ASPRV1: variants seen among roughly 807,000 people sequenced by gnomAD.
ASPRV1 encodes the protein retroviral-like aspartic protease 1.
In ASPRV1, 7 loss-of-function variants were observed where a neutral mutation model predicts 11.0. The observed-to-expected ratio is 0.64, with a 90% confidence interval of 0.36 to 1.20. The LOEUF is 1.20. Among genes scored for constraint, ASPRV1 ranks in the 50% most tolerant of loss-of-function variants. The probability of loss-of-function intolerance (pLI) is 0.02; values close to 1 mark genes in which losing one functional copy is unlikely to be tolerated. For synonymous variants in ASPRV1, 136 were observed against 138.4 expected, an observed-to-expected ratio of 0.98 and a Z score of 0.12; for missense variants, 299 against 320.0, an observed-to-expected ratio of 0.93 and a Z score of 0.50.
the ASPRV1 span, among the ~76,000 whole-genome samples, chr2:69,984,961 A>G: frequency 6.7e-6 from 1 of 149,982 alleles, no homozygotes; most frequent in African/African-American, 2.5e-5. Flanking sequence ...GGTTCACGCC[A>G]TTCTCCTGCC....
At chr2:70,074,499 G>C in the ASPRV1 span, among the ~76,000 whole-genome samples, 4 of 151,420 alleles carry the variant, frequency 2.6e-5, no homozygotes, top group African/African-American at 9.7e-5. Flanking sequence ...ATATTGGCCA[G>C]GCTCCTGACC....
chr2:70,026,296 C>T, the ASPRV1 span, among the ~76,000 whole-genome samples: 1 of 149,804 alleles, frequency 6.7e-6, no homozygotes, highest in African/African-American at 2.5e-5. Context: ...AATATATATA[C>T]ATATGGAATG....
the ASPRV1 span, among the ~76,000 whole-genome samples, chr2:69,986,520 G>C: frequency 6.6e-6 from 1 of 152,236 alleles, no homozygotes. Flanking sequence ...TGTGTCCCCA[G>C]CCCAGCAGTG....
At chr2:69,951,899 T>C in the ASPRV1 span, among the ~76,000 whole-genome samples, 2 of 152,210 alleles carry the variant, frequency 1.3e-5, no homozygotes, top group African/African-American at 2.4e-5. Context: ...CACAGTTAAC[T>C]GTTTTTGAGT....
At chr2:69,949,446 C>T in the ASPRV1 span, among the ~76,000 whole-genome samples, 1 of 152,086 alleles carries the variant, frequency 6.6e-6, no homozygotes, top group Non-Finnish European at 1.5e-5. Flanking sequence ...CCTTGATCAC[C>T]ATCGGAATTG....
chr2:69,993,472 G>C, the ASPRV1 span: 3 of 152,224 alleles, frequency 2.0e-5, no homozygotes, highest in African/African-American at 7.2e-5. Flanking sequence ...AGGCCAACTA[G>C]GGCTGTGTGG....
the ASPRV1 span, among the ~76,000 whole-genome samples, chr2:69,954,196 C>A: frequency 6.6e-6 from 1 of 152,176 alleles, no homozygotes; most frequent in African/African-American, 2.4e-5. Flanking sequence ...TGGCCCACCA[C>A]AGAAGAAGCA....
chr2:69,971,758 G>A, the ASPRV1 span, among the ~76,000 whole-genome samples: 2,398 of 152,268 alleles, frequency 0.016, 134 homozygotes, highest in Admixed American at 0.095. Context: ...GCCAATCTCC[G>A]TCCTGGAGCA....
the ASPRV1 span, among the ~76,000 whole-genome samples, chr2:69,971,493 G>C: frequency 6.6e-6 from 1 of 152,172 alleles, no homozygotes; most frequent in Non-Finnish European, 1.5e-5. Flanking sequence ...GTTCTAAGGC[G>C]CAGGATCGTT....
the ASPRV1 span, among the ~76,000 whole-genome samples, chr2:69,954,068 C>T: frequency 2.3e-4 from 35 of 152,300 alleles, no homozygotes; most frequent in Middle Eastern, 3.4e-3. Flanking sequence ...CTCACATCAG[C>T]ATCTATGAGT....
chr2:70,012,648 T>A, the ASPRV1 span, among the ~76,000 whole-genome samples: 1 of 152,082 alleles, frequency 6.6e-6, no homozygotes, highest in Non-Finnish European at 1.5e-5. Flanking sequence ...AAGGCAAACT[T>A]AATGTAAAAA....
chr2:70,004,521 T>C, the ASPRV1 span, among the ~76,000 whole-genome samples: 39 of 75,248 alleles, frequency 5.2e-4, no homozygotes, highest in African/African-American at 1.9e-3. Context: ...ACAGCAAAAC[T>C]CCATCTCAAA....
At chr2:69,963,769 C>T (rs1286953352), upstream of ASPRV1, among the ~76,000 whole-genome samples, 1 of 152,140 alleles carries the variant, frequency 6.6e-6, no homozygotes, top group Non-Finnish European at 1.5e-5. Context: ...GGGAAGAAGA[C>T]CAGCTCCGCT....
chr2:70,076,748 A>C, the ASPRV1 span, among the ~76,000 whole-genome samples: 1 of 152,172 alleles, frequency 6.6e-6, no homozygotes, highest in African/African-American at 2.4e-5. Flanking sequence ...TATCTCATGT[A>C]ATTTATTAAA....
chr2:69,961,722 C>T (rs769488516), upstream of ASPRV1: 12 of 1,516,704 alleles, frequency 7.9e-6, no homozygotes, highest in South Asian at 1.5e-4. Flanking sequence ...CCCCTCCTCA[C>T]CCCGCCCTCC....
At chr2:69,952,760 T>C in the ASPRV1 span, among the ~76,000 whole-genome samples, 1 of 151,204 alleles carries the variant, frequency 6.6e-6, no homozygotes, top group Non-Finnish European at 1.5e-5. Flanking sequence ...TAGATGCCAA[T>C]AGTCCCCCCC....
At chr2:69,943,087 T>TGAG in the ASPRV1 span, 1 of 152,228 alleles carries the variant, frequency 6.6e-6, no homozygotes, top group African/African-American at 2.4e-5. Context: ...GAGCCTGTGA[T>TGAG]GAGGATTGAG....
the ASPRV1 span, among the ~76,000 whole-genome samples, chr2:70,005,426 T>C: frequency 3.9e-5 from 6 of 152,210 alleles, no homozygotes; most frequent in Non-Finnish European, 8.8e-5. Context: ...AATTCTGTTG[T>C]CTTCTTGACA....
At chr2:69,979,605 G>C in the ASPRV1 span, among the ~76,000 whole-genome samples, 1 of 152,198 alleles carries the variant, frequency 6.6e-6, no homozygotes, top group Non-Finnish European at 1.5e-5. Context: ...AATGGCCTGG[G>C]GGCAGAGTCT....
Sources: gnomAD v4.1 joint callset for allele counts (sites outside exome capture counted in the v4.1 genomes callset) on GRCh38, gnomAD v4.1.1 for gene constraint, MANE v1.5 for transcripts, NCBI Gene and HGNC (gene_info 2026-07-23, HGNC 2026-07-21) for gene names.